The following ZNF487 variants were observed in gnomAD, a reference collection of about 807,000 sequenced individuals.
ZNF487 encodes zinc finger protein 487, also known as KRAB domain only 1.
ZNF487 carries 4 observed loss-of-function variants against 3.0 expected under a neutral mutation model. The ratio of observed to expected loss-of-function variants is 1.35; its 90% CI spans 0.66 to 3.08. ZNF487 has a LOEUF of 3.08. Among genes scored for constraint, ZNF487 ranks in the 30% most tolerant of loss-of-function variants. The pLI is 0.01. For synonymous variants in ZNF487, 55 were observed against 34.6 expected, an observed-to-expected ratio of 1.59 and a Z score of -2.06; for missense variants, 146 against 98.7, an observed-to-expected ratio of 1.48 and a Z score of -2.03.
chr10:43,492,645 G>A, the ZNF487 span, among the ~76,000 whole-genome samples: 4 of 151,974 alleles, frequency 2.6e-5, no homozygotes, highest in Non-Finnish European at 5.9e-5. Context: ...AGTAGAGACT[G>A]GGTTTCACCA....
chr10:43,521,342 T>C, the ZNF487 span, among the ~76,000 whole-genome samples: 1 of 152,204 alleles, frequency 6.6e-6, no homozygotes, highest in Non-Finnish European at 1.5e-5. Flanking sequence ...TAAAGCTAAT[T>C]TAACACACAT....
the ZNF487 span, among the ~76,000 whole-genome samples, chr10:43,490,630 C>T: frequency 6.8e-6 from 1 of 147,044 alleles, no homozygotes; most frequent in Non-Finnish European, 1.5e-5. Context: ...CTGCCTCAGC[C>T]TCCCAAGTAG....
At chr10:43,505,688 G>A in the ZNF487 span, among the ~76,000 whole-genome samples, 5 of 150,476 alleles carry the variant, frequency 3.3e-5, no homozygotes, top group East Asian at 8.0e-4. Flanking sequence ...TTGTCACGCA[G>A]GCTGAGTGCA....
intron 1 of ZNF487, among the ~76,000 whole-genome samples, chr10:43,469,558 C>A (rs2132119317): frequency 6.6e-6 from 1 of 152,006 alleles, no homozygotes; most frequent in Middle Eastern, 3.4e-3. Context: ...CCAGGCTGAT[C>A]TTGGGCTCCT....
rs186690791 is a variant in ZNF487, at chr10:43,481,922, A to G, written c.624A>G (p.Ter208TrpextTer2). 3.0e-4 allele frequency: 195 copies of G among 653,408 alleles called. 6 individuals are homozygous for G. The highest frequency in any genetic ancestry group is 2.9e-3 in the East Asian group (105 of 36,670). 40.5% of individuals were successfully genotyped at this position (653,408 alleles called of 1,614,324 possible). Residue 208 changes from the stop codon to tryptophan (W), a stop_lost, in exon 4 of 4, where the codon TGA becomes TGG. Coordinates refer to ENST00000437590, the MANE Select transcript of ZNF487 (RefSeq NM_001355444.3). Reference sequence around the variant, plus strand: ...GAGTGTGCTCATGGGAGACCCTGTGAATATAATGAACATGTGAGAGCCTTT... The same window carrying G: ...GAGTGTGCTCATGGGAGACCCTGTGGATATAATGAACATGTGAGAGCCTTT... ...HKRVCSWETL[*>W]
intron 1 of ZNF487, among the ~76,000 whole-genome samples, chr10:43,464,489 C>T (rs1348754418): frequency 6.6e-6 from 1 of 151,894 alleles, no homozygotes; most frequent in African/African-American, 2.4e-5. Flanking sequence ...GAACAAAGGT[C>T]TCTGGTTTTC....
rs1417545519 is a variant in ZNF487, at chr10:43,482,081, A to G, written c.*159A>G. ...CACCACAGGGTTATGGAGATGAAAT[A>G]CTATGAGTGTAATGCGAGTGAGAAT... is the stretch of plus-strand genomic sequence containing the variant. On this transcript the variant is annotated 3_prime_UTR_variant, in exon 4 of 4. Coordinates refer to ENST00000437590, the MANE Select transcript of ZNF487 (RefSeq NM_001355444.3). 3 of 577,494 alleles carry G rather than the reference A, an allele frequency of 5.2e-6. No homozygotes were observed. In the African/African-American group the frequency reaches 5.6e-5, roughly 11 times the overall value. The allele number at this position is 577,494 out of a possible 1,614,324, so 35.8% of individuals were successfully genotyped here.
chr10:43,444,861 C>T (rs996946959), intron 1 of ZNF487, among the ~76,000 whole-genome samples: 1 of 152,136 alleles, frequency 6.6e-6, no homozygotes, highest in Admixed American at 6.6e-5. Flanking sequence ...TGAGCCACTG[C>T]AGCTGGCCTT....
chr10:43,492,331 C>T, the ZNF487 span, among the ~76,000 whole-genome samples: 1 of 151,860 alleles, frequency 6.6e-6, no homozygotes, highest in Non-Finnish European at 1.5e-5. Flanking sequence ...TGCAAATCAT[C>T]ATCTGCTAAT....
In ZNF487 at chr10:43,465,096, A is replaced by AC. The variant is rs1290151163; in HGVS notation, c.-93-10618dup. 6.3e-4 allele frequency among the ~76,000 whole-genome samples: 66 copies of AC among 104,492 alleles called. 1 individual carries two copies. Among genetic ancestry groups the AC allele is most frequent in the Admixed American group, 2.0e-3 (18 of 9,182 alleles). The allele number at this position is 104,492 out of a possible 152,430, so 68.6% of individuals were successfully genotyped here. The stretch of plus-strand genomic sequence containing the variant: ...GGGCGGCTGGCCGGGCGGGGGGCTG[A>AC]CCCCCCCACCTCCCTCCCGGATGGG... On this transcript the variant is annotated intron_variant, in intron 1 of 3. Transcript: ENST00000437590.
chr10:43,518,589 T>G, the ZNF487 span, among the ~76,000 whole-genome samples: 1 of 152,134 alleles, frequency 6.6e-6, no homozygotes, highest in African/African-American at 2.4e-5. Context: ...AAGCACTCAA[T>G]CTTGAAGTGC....
chr10:43,475,838 C>T lies in ZNF487; in HGVS notation c.25C>T (p.Leu9Phe), dbSNP rs1841079453. 1 of 777,810 alleles carries T rather than the reference C, an allele frequency of 1.3e-6. No homozygotes were observed. The highest frequency in any genetic ancestry group is 2.4e-5 in the East Asian group (1 of 41,208). The allele number at this position is 777,810 out of a possible 1,614,324, so 48.2% of individuals were successfully genotyped here. Reference protein sequence around the residue: MLENYSLLLSVGYCITKPE... With the variant: MLENYSLLFSVGYCITKPE... Reference sequence around the variant, plus strand: ...GATGCTGGAGAACTACAGCCTCCTCCTCTCAGTGGGTAAGGATTATGTAAT... The same window carrying T: ...GATGCTGGAGAACTACAGCCTCCTCTTCTCAGTGGGTAAGGATTATGTAAT... The change falls in exon 2 of 4, where the codon CTC (leucine) becomes TTC (phenylalanine). Residue 9 changes from leucine (L) to phenylalanine (F), a missense_variant. Leu to Phe is a conservative substitution (Grantham distance 22). Coordinates refer to ENST00000437590, the MANE Select transcript of ZNF487 (RefSeq NM_001355444.3).
chr10:43,494,846 A>G, the ZNF487 span, among the ~76,000 whole-genome samples: 2 of 148,302 alleles, frequency 1.3e-5, no homozygotes, highest in African/African-American at 2.5e-5. Flanking sequence ...CTGAGGCAGG[A>G]GAATCACTTG....
chr10:43,507,811 G>T, the ZNF487 span, among the ~76,000 whole-genome samples: 1 of 152,208 alleles, frequency 6.6e-6, no homozygotes, highest in Non-Finnish European at 1.5e-5. Flanking sequence ...GGGCCATTGG[G>T]CCCCTGAACC....
the ZNF487 span, among the ~76,000 whole-genome samples, chr10:43,520,897 A>G: frequency 3.3e-3 from 498 of 152,340 alleles, 6 homozygotes; most frequent in African/African-American, 0.011. Context: ...ACAGTTGCCA[A>G]TAGCAAATAG....
the ZNF487 span, among the ~76,000 whole-genome samples, chr10:43,512,255 G>A: frequency 2.0e-5 from 3 of 152,206 alleles, no homozygotes; most frequent in Non-Finnish European, 4.4e-5. Context: ...GGTGCAGGCT[G>A]GGGGAGAGAA....
At chr10:43,475,947 G>T in intron 2 of ZNF487, 100 bp downstream of exon 2, 1 of 651,980 alleles carries the variant, frequency 1.5e-6, no homozygotes, top group South Asian at 1.8e-5. Context: ...AAAGGCTTGA[G>T]ACTCAGGAGT....
intron 1 of ZNF487, chr10:43,453,036 A>G (rs931430272): frequency 1.3e-5 from 2 of 151,930 alleles, no homozygotes; most frequent in African/African-American, 4.8e-5. Flanking sequence ...ATGGAGGGGT[A>G]TGAGTTGGGG....
At chr10:43,522,668 A>G in the ZNF487 span, among the ~76,000 whole-genome samples, 2 of 152,192 alleles carry the variant, frequency 1.3e-5, no homozygotes, top group African/African-American at 4.8e-5. Context: ...TGGGAGGTGG[A>G]GGTTGCAATG....
Sources: allele counts gnomAD v4.1 joint callset (sites outside exome capture counted in the v4.1 genomes callset), GRCh38; gene constraint gnomAD v4.1.1; transcripts MANE v1.5; gene names NCBI Gene and HGNC (gene_info 2026-07-23, HGNC 2026-07-21).